The following DGKB variants were observed in gnomAD, a reference collection of about 807,000 sequenced individuals.
DGKB encodes the protein diacylglycerol kinase beta, also known as 90 kDa diacylglycerol kinase.
DGKB carries 67 observed loss-of-function variants against 114.3 expected under a neutral mutation model. The observed-to-expected ratio is 0.59, with a 90% CI of 0.48 to 0.72. DGKB has a LOEUF of 0.72. Ranked by LOEUF, DGKB falls within the 30% of genes least tolerant of loss-of-function variation. DGKB has a pLI of 0.00. For synonymous variants in DGKB, 398 were observed against 323.1 expected (o/e 1.23, Z -2.49); for missense variants, 907 against 975.2 (o/e 0.93, Z 0.93).
At chr7:14,255,194 G>A (rs1052981149) in intron 23 of DGKB, among the ~76,000 whole-genome samples, 2 of 152,110 alleles carry the variant, frequency 1.3e-5, no homozygotes, top group African/African-American at 4.8e-5. Flanking sequence ...CAACCAGCTT[G>A]AAAACTCCTC....
chr7:14,970,920 C>T (rs1201141893), intron 1 of DGKB, among the ~76,000 whole-genome samples: 1 of 152,118 alleles, frequency 6.6e-6, no homozygotes, highest in Non-Finnish European at 1.5e-5. Flanking sequence ...GAAATAAGGT[C>T]AGGAAGTGGC....
At chr7:14,854,390 C>G (rs969545428) in intron 1 of DGKB, among the ~76,000 whole-genome samples, 1 of 152,144 alleles carries the variant, frequency 6.6e-6, no homozygotes, top group Non-Finnish European at 1.5e-5. Flanking sequence ...AGTCCCCAAC[C>G]TTTTTGGCAC....
chr7:14,680,599 C>G (rs990539177), intron 12 of DGKB, among the ~76,000 whole-genome samples: 1 of 151,736 alleles, frequency 6.6e-6, no homozygotes. Context: ...AAAGCAAAAC[C>G]ATGAGGAAAA....
intron 1 of DGKB, among the ~76,000 whole-genome samples, chr7:14,862,209 T>C (rs1259891047): frequency 2.0e-5 from 3 of 152,048 alleles, no homozygotes. Context: ...GATGATTTGA[T>C]ATGCATACAC....
intron 1 of DGKB, among the ~76,000 whole-genome samples, chr7:14,875,273 G>A (rs1853103153): frequency 6.6e-6 from 1 of 152,008 alleles, no homozygotes; most frequent in African/African-American, 2.4e-5. Context: ...TTTGCCACCT[G>A]GCTGTTTCTA....
chr7:14,589,517 TTTTA>T (rs1801331776), intron 17 of DGKB, among the ~76,000 whole-genome samples: 1 of 152,042 alleles, frequency 6.6e-6, no homozygotes, highest in Non-Finnish European at 1.5e-5. Context: ...GTTATTGAGA[TTTTA>T]TTTTTCTTTC....
At chr7:14,717,233 G>C (rs936682064) in intron 6 of DGKB, among the ~76,000 whole-genome samples, 2 of 152,084 alleles carry the variant, frequency 1.3e-5, no homozygotes, top group African/African-American at 4.8e-5. Context: ...TAGTTAAACA[G>C]CAAGACTAAA....
chr7:14,350,563 A>C (rs1352338483), intron 21 of DGKB, among the ~76,000 whole-genome samples: 1 of 152,026 alleles, frequency 6.6e-6, no homozygotes, highest in Non-Finnish European at 1.5e-5. Flanking sequence ...TAAGCAACAA[A>C]AAAGTTTTGA....
chr7:14,774,300 G>T (rs1837841918), intron 2 of DGKB, among the ~76,000 whole-genome samples: 1 of 152,174 alleles, frequency 6.6e-6, no homozygotes, highest in African/African-American at 2.4e-5. Flanking sequence ...AACTTTGATT[G>T]TTACCTTGCA....
chr7:14,695,105 A>G (rs1366096129), intron 8 of DGKB, among the ~76,000 whole-genome samples: 5 of 152,188 alleles, frequency 3.3e-5, no homozygotes, highest in African/African-American at 4.8e-5. Flanking sequence ...AATGCATGAA[A>G]TATTTGATTT....
intron 23 of DGKB, among the ~76,000 whole-genome samples, chr7:14,231,073 T>G (rs1358356052): frequency 6.6e-6 from 1 of 150,732 alleles, no homozygotes; most frequent in Non-Finnish European, 1.5e-5. Context: ...AAAAATTCTT[T>G]CTTCTTTCCC....
At chr7:14,287,452 A>T (rs1801050211) in intron 23 of DGKB, among the ~76,000 whole-genome samples, 1 of 152,064 alleles carries the variant, frequency 6.6e-6, no homozygotes, top group African/African-American at 2.4e-5. Context: ...GTTCTAAATG[A>T]TTTTCATCAT....
intron 13 of DGKB, among the ~76,000 whole-genome samples, chr7:14,652,248 T>G (rs1814700927): frequency 6.6e-6 from 1 of 151,974 alleles, no homozygotes; most frequent in African/African-American, 2.4e-5. Context: ...GACTTCAAAC[T>G]ATACTACAAG....
intron 8 of DGKB, among the ~76,000 whole-genome samples, chr7:14,695,036 A>C (rs1823567345): frequency 6.6e-6 from 1 of 152,144 alleles, no homozygotes; most frequent in African/African-American, 2.4e-5. Flanking sequence ...CAAAAATGTT[A>C]ATCAATTTGG....
intron 2 of DGKB, among the ~76,000 whole-genome samples, chr7:14,758,175 T>G (rs1477265896): frequency 3.3e-5 from 5 of 152,060 alleles, no homozygotes; most frequent in Non-Finnish European, 7.4e-5. Context: ...AACATTTTAG[T>G]TTTGTTATGT....
intron 21 of DGKB, among the ~76,000 whole-genome samples, chr7:14,441,472 A>G (rs947860033): frequency 2.0e-5 from 3 of 152,168 alleles, no homozygotes; most frequent in Admixed American, 1.3e-4. Flanking sequence ...ATGCACAATT[A>G]TCAATTTTGA....
chr7:14,769,111 AAGAAAGAAAGAAAG>A (rs1357513840), intron 2 of DGKB, among the ~76,000 whole-genome samples: 1 of 129,468 alleles, frequency 7.7e-6, no homozygotes, highest in African/African-American at 3.3e-5. Flanking sequence ...GAAAGAAAGA[AAGAAAGAAAGAAAG>A]AGAGAGAGAG....
chr7:14,310,137 T>C (rs941888242), intron 23 of DGKB, among the ~76,000 whole-genome samples: 3 of 152,078 alleles, frequency 2.0e-5, no homozygotes, highest in African/African-American at 7.2e-5. Flanking sequence ...AAAATATATA[T>C]GGAAAGCTAG....
chr7:14,475,071 T>A (rs1322886981), intron 21 of DGKB, among the ~76,000 whole-genome samples: 1 of 152,148 alleles, frequency 6.6e-6, no homozygotes, highest in Non-Finnish European at 1.5e-5. Flanking sequence ...AGAACAGAAC[T>A]ATATATTGTG....
Sources: allele counts gnomAD v4.1 joint callset (sites outside exome capture counted in the v4.1 genomes callset), GRCh38; gene constraint gnomAD v4.1.1; transcripts MANE v1.5; gene names NCBI Gene and HGNC (gene_info 2026-07-23, HGNC 2026-07-21).